CPA6: variants seen among roughly 807,000 people sequenced by gnomAD.
CPA6 encodes the protein carboxypeptidase A6.
A neutral mutation model predicts 63.3 loss-of-function variants in CPA6; 58 were observed. That is an observed-to-expected ratio of 0.92 (90% confidence interval 0.74 to 1.14). The LOEUF (loss-of-function observed/expected upper bound fraction) is 1.14, where lower values mean the gene tolerates loss of function less well. CPA6 is among the 50% of genes most tolerant of loss of function. The pLI, the probability that CPA6 is intolerant of heterozygous loss-of-function variation, is 0.00. For synonymous variants in CPA6, 185 were observed against 179.0 expected (o/e 1.03, Z -0.27); for missense variants, 565 against 526.6 (o/e 1.07, Z -0.71).
intron 8 of CPA6, among the ~76,000 whole-genome samples, chr8:67,444,059 T>C (rs1563955202): frequency 6.6e-6 from 1 of 150,432 alleles, no homozygotes; most frequent in Admixed American, 6.7e-5. Flanking sequence ...TGGTGCAATC[T>C]CGGCTCACTG....
chr8:67,522,304 G>A (rs114034086), intron 2 of CPA6, among the ~76,000 whole-genome samples: 373 of 152,152 alleles, frequency 2.5e-3, no homozygotes, highest in African/African-American at 8.6e-3. Context: ...CCCACTTCAG[G>A]TCCCCTCTGG....
At chr8:67,668,294 C>T (rs1404029838) in intron 1 of CPA6, among the ~76,000 whole-genome samples, 1 of 152,160 alleles carries the variant, frequency 6.6e-6, no homozygotes, top group African/African-American at 2.4e-5. Context: ...TTTCTATACC[C>T]ACTTCAACAG....
rs150297912 is a variant in CPA6, at chr8:67,712,124, C to T, written c.116+33890G>A. Among the ~76,000 whole-genome samples, 302 of 152,192 alleles carry T rather than the reference C, an allele frequency of 2.0e-3. 3 individuals are homozygous for T. The highest frequency in any genetic ancestry group is 0.012 in the South Asian group (57 of 4,818). On this transcript the variant is annotated intron_variant, in intron 1 of 10. Coordinates refer to ENST00000297770, the MANE Select transcript of CPA6 (RefSeq NM_020361.5). ...ACCTGTGCAGGAGGGATGGCTCAGC[C>T]CCAGGGAACAGCAATCTTCCATGGC...
chr8:67,450,548 C>A (rs1422415898), intron 8 of CPA6, among the ~76,000 whole-genome samples: 2 of 152,110 alleles, frequency 1.3e-5, no homozygotes. Flanking sequence ...AGAGAAAAAC[C>A]AAACATTGAT....
Position 67,577,121 on chromosome 8 carries a change from C to T in CPA6, c.192+47055G>A, listed in dbSNP as rs563960033. On this transcript the variant is annotated intron_variant, in intron 2 of 10. Transcript: ENST00000297770. ...CCTCCTGCCTCGGCCTCCCAAAGTG[C>T]TAGGATTATAGGCCTGAGTCACCTA... is the stretch of plus-strand genomic sequence containing the variant. Among the ~76,000 whole-genome samples, 56 of 152,218 alleles carry T rather than the reference C, an allele frequency of 3.7e-4. No individual in the cohort carries two copies. In the Middle Eastern group the frequency reaches 0.02, roughly 55 times the overall value.
intron 2 of CPA6, among the ~76,000 whole-genome samples, chr8:67,521,037 T>C (rs933595550): frequency 6.6e-6 from 1 of 152,236 alleles, no homozygotes; most frequent in African/African-American, 2.4e-5. Context: ...CTGGATGAGA[T>C]AATTAGTAGT....
Position 67,428,091 on chromosome 8 carries a change from A to G in CPA6, c.1082T>C (p.Val361Ala), listed in dbSNP as rs780551145. ...AYKAVNALQS[V>A]YGVRYRYGPA... is the part of the protein sequence containing the mutation. Reference sequence around the variant, plus strand: ...TCCATATCTGTATCGTACCCCGTATACTGACTGAAGTGCATTCACAGCTTT... The same window carrying G: ...TCCATATCTGTATCGTACCCCGTATGCTGACTGAAGTGCATTCACAGCTTT... Residue 361 changes from valine (V) to alanine (A), a missense_variant, in exon 10 of 11, where the codon GTA becomes GCA. By Grantham distance (64) the Val-to-Ala change is moderately conservative. Coordinates refer to ENST00000297770, the MANE Select transcript of CPA6 (RefSeq NM_020361.5). 9 of 1,613,518 alleles carry G rather than the reference A, an allele frequency of 5.6e-6. No individual in the cohort carries two copies. The South Asian group carries it at 9.9e-5, about 18-fold the overall frequency.
intron 1 of CPA6, among the ~76,000 whole-genome samples, chr8:67,632,070 TTTTA>T (rs1815346907): frequency 6.6e-6 from 1 of 152,198 alleles, no homozygotes; most frequent in Non-Finnish European, 1.5e-5. Context: ...CACATTAATA[TTTTA>T]TTTCAGAGTT....
chr8:67,701,496 T>A (rs1310266825), intron 1 of CPA6, among the ~76,000 whole-genome samples: 1 of 152,206 alleles, frequency 6.6e-6, no homozygotes, highest in Non-Finnish European at 1.5e-5. Flanking sequence ...AGAACACATT[T>A]CAAAATCTTT....
chr8:67,734,251 G>T (rs1295394133), intron 1 of CPA6, among the ~76,000 whole-genome samples: 3 of 151,600 alleles, frequency 2.0e-5, no homozygotes, highest in Admixed American at 6.6e-5. Context: ...GCAAACAGAG[G>T]GTACAGGTGT....
chr8:67,732,071 C>T (rs1817715834), intron 1 of CPA6, among the ~76,000 whole-genome samples: 1 of 147,814 alleles, frequency 6.8e-6, no homozygotes, highest in African/African-American at 2.7e-5. Flanking sequence ...CAGAGATCTC[C>T]TCCCCCAAGC....
At chr8:67,727,717 T>C (rs571636153) in intron 1 of CPA6, among the ~76,000 whole-genome samples, 5 of 152,342 alleles carry the variant, frequency 3.3e-5, no homozygotes, top group Admixed American at 6.5e-5. Context: ...AGGGCAGTTA[T>C]GCCCCTCACC....
intron 2 of CPA6, among the ~76,000 whole-genome samples, chr8:67,546,686 CTTAT>C (rs1319914157): frequency 1.3e-5 from 2 of 152,210 alleles, no homozygotes; most frequent in East Asian, 1.9e-4. Flanking sequence ...GGAATTTACA[CTTAT>C]TTATTTATTT....
At chr8:67,544,500 A>C (rs892935890) in intron 2 of CPA6, among the ~76,000 whole-genome samples, 1 of 152,198 alleles carries the variant, frequency 6.6e-6, no homozygotes, top group African/African-American at 2.4e-5. Context: ...TGAATAAGTC[A>C]TGAAGTCTAA....
rs1814673966 is a variant in CPA6 at position 67,607,183 on chromosome 8, CT to C, written c.192+16992del. Among the ~76,000 whole-genome samples, 2 of 26,086 alleles carry C rather than the reference CT, an allele frequency of 7.7e-5. 1 individual carries two copies. The highest frequency in any genetic ancestry group is 1.4e-4 in the Non-Finnish European group (2 of 14,104). 17.1% of individuals were successfully genotyped at this position (26,086 alleles called of 152,430 possible). A position where few individuals can be genotyped will look rare whatever the true frequency, so the allele number is the denominator to read the frequency against. ...TCTTCTTCTTCCTCTTCTTCTTCTT[CT>C]TCTTCTTCTTCTTCTTCTTCTTCTT... On this transcript the variant is annotated intron_variant, in intron 2 of 10. Coordinates refer to ENST00000297770, the MANE Select transcript of CPA6 (RefSeq NM_020361.5).
intron 1 of CPA6, among the ~76,000 whole-genome samples, chr8:67,741,402 C>G (rs1817910074): frequency 6.6e-6 from 1 of 152,154 alleles, no homozygotes. Context: ...TTCTGTCAGC[C>G]CTCAGGAATC....
At chr8:67,690,717 T>TA (rs1003264014) in intron 1 of CPA6, among the ~76,000 whole-genome samples, 163 of 151,940 alleles carry the variant, frequency 1.1e-3, no homozygotes, top group African/African-American at 3.7e-3. Context: ...TCTTATCAGC[T>TA]AAAAAAAATA....
intron 1 of CPA6, among the ~76,000 whole-genome samples, chr8:67,660,252 G>C (rs150726807): frequency 2.6e-5 from 4 of 151,672 alleles, no homozygotes; most frequent in Non-Finnish European, 2.9e-5. Context: ...CTACTAGTAG[G>C]GTGGTGAGAA....
intron 2 of CPA6, among the ~76,000 whole-genome samples, chr8:67,576,843 C>G (rs1813638907): frequency 6.6e-6 from 1 of 150,682 alleles, no homozygotes; most frequent in Non-Finnish European, 1.5e-5. Flanking sequence ...GACTATAGAC[C>G]AAGGGACTTC....
Sources: gnomAD v4.1 joint callset for allele counts (sites outside exome capture counted in the v4.1 genomes callset) on GRCh38, gnomAD v4.1.1 for gene constraint, MANE v1.5 for transcripts, NCBI Gene and HGNC (gene_info 2026-07-23, HGNC 2026-07-21) for gene names.